Variants in CAPN13 observed in about 807,000 individuals in gnomAD.
The protein encoded by CAPN13 is calpain 13, also known as calpain-13.
A neutral mutation model predicts 98.4 loss-of-function variants in CAPN13; 90 were observed. The ratio of observed to expected loss-of-function variants is 0.92; its 90% confidence interval spans 0.77 to 1.09. CAPN13 has a LOEUF of 1.09. Ranked by LOEUF, CAPN13 falls within the 50% of genes least tolerant of loss-of-function variation. The probability of loss-of-function intolerance (pLI) is 0.00; values close to 1 mark genes in which losing one functional copy is unlikely to be tolerated. For missense variants in CAPN13, 887 were observed against 841.3 expected, an observed-to-expected ratio of 1.05 and a Z score of -0.67; for synonymous variants, 330 against 305.5, an observed-to-expected ratio of 1.08 and a Z score of -0.84.
chr2:30,766,206 G>A (rs1285588305), intron 5 of CAPN13, among the ~76,000 whole-genome samples: 2 of 152,224 alleles, frequency 1.3e-5, no homozygotes, highest in African/African-American at 4.8e-5. Flanking sequence ...CTGTGCTAAA[G>A]AACAGCACTC....
intron 22 of CAPN13, among the ~76,000 whole-genome samples, chr2:30,728,976 G>A (rs1670959869): frequency 6.6e-6 from 1 of 152,156 alleles, no homozygotes; most frequent in South Asian, 2.1e-4. Flanking sequence ...AGGGGTAGGA[G>A]ATGAAGAAAT....
intron 8 of CAPN13, among the ~76,000 whole-genome samples, chr2:30,756,166 T>C (rs1463258578): frequency 1.3e-5 from 2 of 152,086 alleles, no homozygotes; most frequent in Non-Finnish European, 2.9e-5. Flanking sequence ...AAGCCTTCAT[T>C]TATGCCCATG....
intron 7 of CAPN13, among the ~76,000 whole-genome samples, chr2:30,759,656 GA>G (rs1672731712): frequency 6.6e-6 from 1 of 152,230 alleles, no homozygotes; most frequent in Non-Finnish European, 1.5e-5. Context: ...GTGCGCTAAG[GA>G]AACGGCACTA....
chr2:30,798,711 C>G (rs1338900286), intron 1 of CAPN13, among the ~76,000 whole-genome samples: 1 of 152,198 alleles, frequency 6.6e-6, no homozygotes, highest in African/African-American at 2.4e-5. Context: ...CAGAACACGA[C>G]AGGGGACGGT....
chr2:30,753,048 A>T lies in CAPN13; in HGVS notation c.1087+5T>A. The stretch of plus-strand genomic sequence containing the variant: ...GGGCAGTGTGACCACCAGCGTCATG[A>T]TTACCTGCAGTGTTTCCTAGAATCA... On this transcript the variant is annotated splice_donor_5th_base_variant and intron_variant, in intron 10 of 22. Coordinates refer to ENST00000295055, the MANE Select transcript of CAPN13 (RefSeq NM_144575.3). 4 of 1,613,740 alleles carry T rather than the reference A, an allele frequency of 2.5e-6. No homozygotes were observed. Among genetic ancestry groups the T allele is most frequent in the Non-Finnish European group, 3.4e-6 (4 of 1,179,758 alleles).
At chr2:30,798,261 G>T (rs1245026665) in intron 1 of CAPN13, among the ~76,000 whole-genome samples, 1 of 152,188 alleles carries the variant, frequency 6.6e-6, no homozygotes, top group Non-Finnish European at 1.5e-5. Context: ...CTGAAGAAGA[G>T]AACTTCCAAT....
chr2:30,729,520 T>C (rs538911331), intron 22 of CAPN13: 2 of 152,334 alleles, frequency 1.3e-5, no homozygotes, highest in South Asian at 2.1e-4. Flanking sequence ...TGAAGAATCA[T>C]TTTTGATATT....
At chr2:30,738,816 C>T (rs765745248) in intron 15 of CAPN13, among the ~76,000 whole-genome samples, 5 of 152,152 alleles carry the variant, frequency 3.3e-5, no homozygotes, top group African/African-American at 4.8e-5. Context: ...TAGATGTGTT[C>T]CCCATCTGCT....
chr2:30,776,488 C>T (rs1673700722), intron 3 of CAPN13, among the ~76,000 whole-genome samples: 1 of 152,180 alleles, frequency 6.6e-6, no homozygotes, highest in Non-Finnish European at 1.5e-5. Context: ...GCTGAGATTA[C>T]AGGTATGAGC....
chr2:30,747,742 C>A (rs762167986), intron 11 of CAPN13, among the ~76,000 whole-genome samples: 2 of 152,214 alleles, frequency 1.3e-5, no homozygotes, highest in African/African-American at 2.4e-5. Flanking sequence ...TGGCTGCTGG[C>A]AGGTACATTG....
chr2:30,726,890 A>G lies in CAPN13; in HGVS notation c.*31-3654T>C, dbSNP rs181177940. 1.0e-3 allele frequency among the ~76,000 whole-genome samples: 159 copies of G among 152,304 alleles called. 1 individual carries two copies. Among genetic ancestry groups the G allele is most frequent in the African/African-American group, 3.4e-3 (142 of 41,574 alleles). On this transcript the variant is annotated intron_variant, in intron 22 of 22. Transcript: ENST00000295055. ...ATGCAAGGAACCCAGAAGAGCCAAA[A>G]TAGTCTTGAAAAGTAAAATAAAGTT...
At chr2:30,792,330 AAGAG>A (rs1221218098) in intron 1 of CAPN13, among the ~76,000 whole-genome samples, 1 of 152,162 alleles carries the variant, frequency 6.6e-6, no homozygotes, top group Non-Finnish European at 1.5e-5. Context: ...TCAAGAGTGA[AAGAG>A]AGAAAACATA....
In CAPN13 at chr2:30,743,441, G is replaced by A. The variant is rs751671773; in HGVS notation, c.1387C>T (p.Arg463Trp). Residue 463 changes from arginine (R) to tryptophan (W), a missense_variant, in exon 13 of 23, where the codon CGG becomes TGG. Arg to Trp is a moderately radical substitution (Grantham distance 101). Coordinates refer to ENST00000295055, the MANE Select transcript of CAPN13 (RefSeq NM_144575.3). ...AGCAAGAACTCCGCTGATTTTCTCC[G>A]TGTCTGTGCAACCACAACATAGTTC... ...PGNYVVVAQTRRKSAEFLLRI... is the reference protein window; with the variant it reads ...PGNYVVVAQTWRKSAEFLLRI... 56 of 1,613,856 alleles carry A rather than the reference G, an allele frequency of 3.5e-5. No homozygotes were observed. The highest frequency in any genetic ancestry group is 5.5e-5 in the South Asian group (5 of 91,090).
chr2:30,805,363 G>A (rs1675549303), intron 1 of CAPN13, among the ~76,000 whole-genome samples: 1 of 152,060 alleles, frequency 6.6e-6, no homozygotes, highest in Non-Finnish European at 1.5e-5. Flanking sequence ...ATCCCTCACT[G>A]CTTCCCCTTT....
At chr2:30,793,898 G>T (rs1052314294) in intron 1 of CAPN13, among the ~76,000 whole-genome samples, 1 of 151,574 alleles carries the variant, frequency 6.6e-6, no homozygotes, top group African/African-American at 2.4e-5. Context: ...AACAAACATG[G>T]ATCTTACTTC....
chr2:30,743,336 T>A, intron 13 of CAPN13, 47 bp downstream of exon 13: 1 of 1,522,736 alleles, frequency 6.6e-7, no homozygotes, highest in Non-Finnish European at 9.1e-7. Context: ...TGTGTTTTTA[T>A]AAAGTTAAGT....
In CAPN13 at chr2:30,793,508, G is replaced by T. The variant is rs369376525; in HGVS notation, c.-32-6151C>A. On this transcript the variant is annotated intron_variant, in intron 1 of 22. Coordinates refer to ENST00000295055, the MANE Select transcript of CAPN13 (RefSeq NM_144575.3). ...AAGGCTCAATACTGCCAAGATGGCA[G>T]TTTTTTCCAAATTTCTCTATAGGTT... Among the ~76,000 whole-genome samples the T allele has an allele frequency of 1.6e-4, 25 of 151,730 alleles. No homozygotes were observed. In the East Asian group the frequency reaches 4.6e-3, roughly 28 times the overall value.
At chr2:30,776,072 G>C in intron 3 of CAPN13, 27 bp from the exon 4 acceptor site, 3 of 1,517,400 alleles carry the variant, frequency 2.0e-6, no homozygotes, top group South Asian at 2.3e-5. Flanking sequence ...GCCAGGAAAG[G>C]CTGATTGGAC....
At chr2:30,770,564 A>T (rs960753786) in intron 4 of CAPN13, 115 bp from the exon 5 acceptor site, 2 of 1,278,744 alleles carry the variant, frequency 1.6e-6, no homozygotes, top group African/African-American at 3.0e-5. Flanking sequence ...AATGAACTCT[A>T]TTCCGAACAA....
Sources: gnomAD v4.1 joint callset for allele counts (sites outside exome capture counted in the v4.1 genomes callset) on GRCh38, gnomAD v4.1.1 for gene constraint, MANE v1.5 for transcripts, NCBI Gene and HGNC (gene_info 2026-07-23, HGNC 2026-07-21) for gene names.